The following FXN variants were observed in gnomAD, a reference collection of about 807,000 sequenced individuals.
FXN encodes frataxin, mitochondrial.
In FXN, 14 loss-of-function variants were observed where a neutral mutation model predicts 22.4. The ratio of observed to expected loss-of-function variants is 0.62; its 90% CI spans 0.41 to 0.98. FXN has a LOEUF of 0.98. Among genes scored for constraint, FXN ranks in the 50% least tolerant of loss-of-function variants. The pLI, the probability that FXN is intolerant of heterozygous loss-of-function variation, is 0.00. For missense variants in FXN, 267 were observed against 268.4 expected (o/e 0.99, Z 0.04); for synonymous variants, 120 against 114.1 (o/e 1.05, Z -0.33).
intron 3 of FXN, among the ~76,000 whole-genome samples, chr9:69,061,604 G>A (rs1351584129): frequency 6.6e-6 from 1 of 151,786 alleles, no homozygotes; most frequent in African/African-American, 2.4e-5. Flanking sequence ...GTGCCATGCT[G>A]GTGTGCTGCA....
chr9:69,074,510 A>G lies in FXN; in HGVS notation c.*1748A>G. ...GATCGTACCTGAGCGACAGAGCGAG[A>G]CTCCGTCTCAAAAAAAAAAAAAAGG... On this transcript the variant is annotated 3_prime_UTR_variant, in exon 5 of 5. Coordinates refer to ENST00000484259, the MANE Select transcript of FXN (RefSeq NM_000144.5). The G allele has an allele frequency of 2.1e-6, 2 of 961,916 alleles. No homozygotes were observed. Among genetic ancestry groups the G allele is most frequent in the Non-Finnish European group, 2.4e-6 (2 of 821,900 alleles). The allele number at this position is 961,916 out of a possible 1,614,324, so 59.6% of individuals were successfully genotyped here. A position where few individuals can be genotyped will look rare whatever the true frequency, so the allele number is the denominator to read the frequency against.
In FXN at chr9:69,075,543, A is replaced by G. The variant is rs963469117; in HGVS notation, c.*2781A>G. ...AATCAAAATCATATTCTGTCAAGCAAACTGGAAAAGTACCACTGTGTGTAC... is the reference window on the plus strand; with the variant it reads ...AATCAAAATCATATTCTGTCAAGCAGACTGGAAAAGTACCACTGTGTGTAC... On this transcript the variant is annotated 3_prime_UTR_variant, in exon 5 of 5. Coordinates refer to ENST00000484259, the MANE Select transcript of FXN (RefSeq NM_000144.5). The G allele has an allele frequency of 2.0e-6, 2 of 985,080 alleles. No homozygotes were observed. Among genetic ancestry groups the G allele is most frequent in the Non-Finnish European group, 2.4e-6 (2 of 829,812 alleles). The allele number at this position is 985,080 out of a possible 1,614,324, so 61.0% of individuals were successfully genotyped here.
At chr9:69,054,798 C>T (rs531449750) in intron 3 of FXN, among the ~76,000 whole-genome samples, 18 of 152,278 alleles carry the variant, frequency 1.2e-4, no homozygotes, top group Admixed American at 2.6e-4. Flanking sequence ...TGAGCCACCG[C>T]GCCTGGCTCC....
At chr9:69,039,342 C>G (rs1831615377) in intron 1 of FXN, among the ~76,000 whole-genome samples, 1 of 152,192 alleles carries the variant, frequency 6.6e-6, no homozygotes, top group African/African-American at 2.4e-5. Flanking sequence ...AATCCAGGTC[C>G]TCAGTCCCAT....
At chr9:69,062,080 C>T (rs1832083944) in intron 3 of FXN, among the ~76,000 whole-genome samples, 3 of 152,172 alleles carry the variant, frequency 2.0e-5, no homozygotes, top group Non-Finnish European at 2.9e-5. Flanking sequence ...TTGTGAAATA[C>T]TAAAAACTCC....
At chr9:69,055,206 C>T (rs902729493) in intron 3 of FXN, among the ~76,000 whole-genome samples, 5 of 152,180 alleles carry the variant, frequency 3.3e-5, no homozygotes, top group African/African-American at 9.7e-5. Flanking sequence ...GGAACTCTTA[C>T]AAACTGACCT....
chr9:69,075,580 C>G lies in FXN; in HGVS notation c.*2818C>G. On this transcript the variant is annotated 3_prime_UTR_variant, in exon 5 of 5. Transcript: ENST00000484259. ...ACCACTGTGTGTACCAATAGCCTCC[C>G]CACCACAGACCCTGGGAGCATCGCC... 1 of 985,266 alleles carries G rather than the reference C, an allele frequency of 1.0e-6. No individual in the cohort carries two copies. The highest frequency in any genetic ancestry group is 1.2e-6 in the Non-Finnish European group (1 of 829,836). 61.0% of individuals were successfully genotyped at this position (985,266 alleles called of 1,614,324 possible). A position where few individuals can be genotyped will look rare whatever the true frequency, so the allele number is the denominator to read the frequency against.
chr9:69,067,927 G>C (rs551750089), intron 4 of FXN, among the ~76,000 whole-genome samples: 1 of 152,306 alleles, frequency 6.6e-6, no homozygotes, highest in East Asian at 1.9e-4. Flanking sequence ...AGTCAGAATA[G>C]AGTCAACAAG....
rs1832395068 is a variant in FXN at position 69,077,696 on chromosome 9, G to A, written c.*4934G>A. 1.1e-6 allele frequency: 1 copy of A among 952,036 alleles called. No homozygotes were observed. Among genetic ancestry groups the A allele is most frequent in the African/African-American group, 1.8e-5 (1 of 56,672 alleles). 59.0% of individuals were successfully genotyped at this position (952,036 alleles called of 1,614,324 possible). ...TGTAATCCCAGCACTTTGAGAGGCT[G>A]AGGCAGGTGGATCACCTGAGGTTAG... On this transcript the variant is annotated 3_prime_UTR_variant, in exon 5 of 5. Transcript: ENST00000484259.
At chr9:69,069,644 A>G (rs999850593) in intron 4 of FXN, among the ~76,000 whole-genome samples, 3 of 152,212 alleles carry the variant, frequency 2.0e-5, no homozygotes, top group Admixed American at 2.0e-4. Context: ...AGAAATCCAA[A>G]GGAGTAAAGA....
chr9:69,056,492 A>C (rs1831960913), intron 3 of FXN, among the ~76,000 whole-genome samples: 1 of 152,162 alleles, frequency 6.6e-6, no homozygotes, highest in Non-Finnish European at 1.5e-5. Flanking sequence ...ACAAAATGAG[A>C]CTGCATATCT....
At position 69,076,639 on chromosome 9, in the gene FXN, G is replaced by A. The variant is rs1832374097; in HGVS notation, c.*3877G>A. 1.0e-6 allele frequency: 1 copy of A among 985,294 alleles called. No individual in the cohort carries two copies. 61.0% of individuals were successfully genotyped at this position (985,294 alleles called of 1,614,324 possible). A position where few individuals can be genotyped will look rare whatever the true frequency, so the allele number is the denominator to read the frequency against. On this transcript the variant is annotated 3_prime_UTR_variant, in exon 5 of 5. Transcript: ENST00000484259. The stretch of plus-strand genomic sequence containing the variant: ...ACAGATGCTTTTGCCACCTCTAAAG[G>A]AAGACCCATGTTCATAGTGATGGAG...
chr9:69,053,252 T>A lies in FXN; in HGVS notation c.376T>A (p.Ser126Thr). ...KPYTFEDYDVSFGSGVLTVKL... is the reference protein window; with the variant it reads ...KPYTFEDYDVTFGSGVLTVKL... ...ATACACGTTTGAGGACTATGATGTC[T>A]CCTTTGGGGTACCTCTTGACTTCTT... The change falls in exon 3 of 5, where the codon TCC becomes ACC. Residue 126 changes from serine (S) to threonine (T), a missense_variant. By Grantham distance (58) the Ser-to-Thr change is moderately conservative. Transcript: ENST00000484259. 1 of 1,613,710 alleles carries A rather than the reference T, an allele frequency of 6.2e-7. No individual in the cohort carries two copies. Among genetic ancestry groups the A allele is most frequent in the Non-Finnish European group, 8.5e-7 (1 of 1,179,790 alleles).
Position 69,072,847 on chromosome 9 carries a change from TG to T in FXN, c.*86del. ...GCAGCTGAGGTCTGTTTTTTGTTGT[TG>T]TTGTTGTTTATTTTTTTTATTCCTG... On this transcript the variant is annotated 3_prime_UTR_variant, in exon 5 of 5. Transcript: ENST00000484259. 3 of 1,606,430 alleles carry T rather than the reference TG, an allele frequency of 1.9e-6. No individual in the cohort carries two copies. Among genetic ancestry groups the T allele is most frequent in the Non-Finnish European group, 2.5e-6 (3 of 1,178,448 alleles).
chr9:69,064,208 T>A (rs1437486154), intron 3 of FXN, among the ~76,000 whole-genome samples: 1 of 152,206 alleles, frequency 6.6e-6, no homozygotes, highest in African/African-American at 2.4e-5. Context: ...ACCACAGGCC[T>A]TAGAAGTAAA....
Position 69,064,950 on chromosome 9 carries a change from A to G in FXN, c.397A>G (p.Thr133Ala), listed in dbSNP as rs1340783297. Residue 133 changes from threonine to alanine, a missense_variant, in exon 4 of 5, where the codon ACT (threonine) becomes GCT (alanine). Coordinates refer to ENST00000484259, the MANE Select transcript of FXN (RefSeq NM_000144.5). ...YDVSFGSGVL[T>A]VKLGGDLGTY... ...CCTAATCCCCTAGAGTGGTGTCTTA[A>G]CTGTCAAACTGGGTGGAGATCTAGG... is the stretch of plus-strand genomic sequence containing the variant. 6 of 1,612,458 alleles carry G rather than the reference A, an allele frequency of 3.7e-6. No individual in the cohort carries two copies. In the Admixed American group the frequency reaches 1.0e-4, roughly 27 times the overall value.
At position 69,053,146 on chromosome 9, in the gene FXN, A is replaced by G; in HGVS notation, c.270A>G (p.Leu90=). The G allele has an allele frequency of 2.1e-5, 34 of 1,613,970 alleles. No homozygotes were observed. The highest frequency in any genetic ancestry group is 2.8e-5 in the Non-Finnish European group (33 of 1,179,972). ...TTTTGTGCTTCCTCTGCAGCTCTCT[A>G]GATGAGACCACCTATGAAAGACTAG... ...KSGTLGHPGS[L]DETTYERLAE... is the part of the protein sequence containing the mutation. The change falls in exon 3 of 5, where the codon CTA becomes CTG. Residue 90 remains leucine, a synonymous_variant. Transcript: ENST00000484259.
At chr9:69,064,577 T>C (rs907967408) in intron 3 of FXN, among the ~76,000 whole-genome samples, 1 of 152,138 alleles carries the variant, frequency 6.6e-6, no homozygotes, top group Non-Finnish European at 1.5e-5. Context: ...TGTCCTCTAG[T>C]ATGTTCTGGT....
intron 1 of FXN, among the ~76,000 whole-genome samples, chr9:69,038,860 A>G (rs1831607557): frequency 6.6e-6 from 1 of 152,204 alleles, no homozygotes; most frequent in African/African-American, 2.4e-5. Context: ...GCATATCTCA[A>G]TTCACAATTT....
Sources: allele counts gnomAD v4.1 joint callset (sites outside exome capture counted in the v4.1 genomes callset), GRCh38; gene constraint gnomAD v4.1.1; transcripts MANE v1.5; gene names NCBI Gene and HGNC (gene_info 2026-07-23, HGNC 2026-07-21).